Variants in LEMD1 observed in about 807,000 individuals in gnomAD.
LEMD1 encodes LEM domain containing 1.
Under a neutral mutation model 17.4 loss-of-function variants are expected in LEMD1, and 18 were observed. The observed-to-expected ratio is 1.04, with a 90% CI of 0.72 to 1.54. LEMD1 has a LOEUF of 1.54. Among genes scored for constraint, LEMD1 ranks in the 40% most tolerant of loss-of-function variants. LEMD1 has a pLI of 0.00. For synonymous variants in LEMD1, 88 were observed against 77.8 expected (o/e 1.13, Z -0.69); for missense variants, 195 against 210.4 (o/e 0.93, Z 0.45).
intron 4 of LEMD1, among the ~76,000 whole-genome samples, chr1:205,415,931 T>G (rs758818081): frequency 4.6e-5 from 7 of 152,112 alleles, no homozygotes; most frequent in Non-Finnish European, 8.8e-5. Flanking sequence ...CTAAGTGCTA[T>G]ATGTGAATGT....
chr1:205,416,775 T>C (rs1665716468), intron 3 of LEMD1, among the ~76,000 whole-genome samples: 1 of 152,216 alleles, frequency 6.6e-6, no homozygotes, highest in African/African-American at 2.4e-5. Flanking sequence ...AAGAAGCATT[T>C]TGATAAACCT....
chr1:205,399,048 C>G (rs1297745960), intron 4 of LEMD1, among the ~76,000 whole-genome samples: 1 of 152,080 alleles, frequency 6.6e-6, no homozygotes, highest in Non-Finnish European at 1.5e-5. Context: ...AACCCCATCT[C>G]TACTAAAAAT....
intron 4 of LEMD1, among the ~76,000 whole-genome samples, chr1:205,406,051 C>T (rs1217642943): frequency 6.6e-6 from 1 of 152,058 alleles, no homozygotes; most frequent in African/African-American, 2.4e-5. Flanking sequence ...GCTGTCTGAT[C>T]GTTCCTCTGG....
At position 205,404,748 on chromosome 1, in the gene LEMD1, T is replaced by C. The variant is rs544846661; in HGVS notation, c.270+11484A>G. 2.1e-3 allele frequency among the ~76,000 whole-genome samples: 318 copies of C among 152,240 alleles called. 2 individuals are homozygous for C. Among genetic ancestry groups the C allele is most frequent in the African/African-American group, 7.0e-3 (292 of 41,530 alleles). On this transcript the variant is annotated intron_variant, in intron 4 of 5. Transcript: ENST00000367153. ...TGTGAATTTGATCCTGTCATTATGA[T>C]GCTAGCTGGTTATTTTGCTCGTTAG... is the stretch of plus-strand genomic sequence containing the variant.
At chr1:205,427,557 C>T (rs1262116612) in intron 1 of LEMD1, among the ~76,000 whole-genome samples, 2 of 151,848 alleles carry the variant, frequency 1.3e-5, no homozygotes, top group African/African-American at 4.8e-5. Flanking sequence ...GGGTTTTCAC[C>T]GCAGTACACG....
Position 205,416,287 on chromosome 1 carries a change from A to G in LEMD1, c.215T>C (p.Ile72Thr), listed in dbSNP as rs995626536. The change falls in exon 4 of 6, where the codon ATC becomes ACC. Residue 72 changes from isoleucine (I) to threonine (T), a missense_variant. Physicochemically the swap from Ile to Thr is moderately conservative, Grantham distance 89. Coordinates refer to ENST00000367153, the MANE Select transcript of LEMD1 (RefSeq NM_001199050.2). ...GAGTATGATATTTCCTTGCAAAATGATATTAAGCTCTGGATCATGGGAAAC... is the reference window on the plus strand; with the variant it reads ...GAGTATGATATTTCCTTGCAAAATGGTATTAAGCTCTGGATCATGGGAAAC... ...QDSDDSEELNIILQGNIILST... is the reference protein window; with the variant it reads ...QDSDDSEELNTILQGNIILST... The G allele has an allele frequency of 5.8e-6, 9 of 1,547,828 alleles. No homozygotes were observed. In the African/African-American group the frequency reaches 1.1e-4, roughly 19 times the overall value.
chr1:205,409,627 G>A lies in LEMD1; in HGVS notation c.270+6605C>T, dbSNP rs1348820352. The stretch of plus-strand genomic sequence containing the variant: ...AGTCTTTTTTTTTTTTTAAGAGAAG[G>A]CCTCACTCTGTTGCCCAGGCTGGAG... On this transcript the variant is annotated intron_variant, in intron 4 of 5. Transcript: ENST00000367153. Among the ~76,000 whole-genome samples the A allele has an allele frequency of 3.3e-5, 5 of 151,392 alleles. No individual in the cohort carries two copies. In the East Asian group the frequency reaches 9.7e-4, roughly 29 times the overall value.
upstream of LEMD1, among the ~76,000 whole-genome samples, chr1:205,425,426 G>A (rs1575001344): frequency 4.6e-5 from 7 of 152,194 alleles, no homozygotes; most frequent in South Asian, 4.1e-4. Context: ...AAGCTGAGCA[G>A]CAGGAGGATG....
intron 4 of LEMD1, among the ~76,000 whole-genome samples, chr1:205,406,318 A>ACCT (rs1405567747): frequency 6.6e-6 from 1 of 152,226 alleles, no homozygotes; most frequent in African/African-American, 2.4e-5. Context: ...GGTGGAGCCT[A>ACCT]CAGAGGCAGG....
chr1:205,430,729 C>A (rs988653098), intron 1 of LEMD1, among the ~76,000 whole-genome samples: 4 of 152,236 alleles, frequency 2.6e-5, no homozygotes, highest in Non-Finnish European at 4.4e-5. Context: ...CCGGGGGACC[C>A]CCAAGCAGCC....
chr1:205,411,190 G>GAA (rs1665388267), intron 4 of LEMD1, among the ~76,000 whole-genome samples: 1 of 115,758 alleles, frequency 8.6e-6, no homozygotes, highest in Non-Finnish European at 1.8e-5. Context: ...AAGAAGGAAA[G>GAA]GAAGGAAGGA....
intron 4 of LEMD1, among the ~76,000 whole-genome samples, chr1:205,388,019 C>T (rs576196171): frequency 3.9e-5 from 6 of 152,160 alleles, no homozygotes; most frequent in Non-Finnish European, 7.3e-5. Flanking sequence ...AGGCATGGAG[C>T]GTTTAAGTAG....
At chr1:205,403,877 G>A (rs12090222) in intron 4 of LEMD1, among the ~76,000 whole-genome samples, 2,587 of 151,928 alleles carry the variant, frequency 0.017, 56 homozygotes, top group African/African-American at 0.058. Context: ...CTTTGAATGT[G>A]TCCCAGAGAT....
upstream of LEMD1, among the ~76,000 whole-genome samples, chr1:205,424,190 C>T (rs1176001601): frequency 6.6e-6 from 1 of 152,208 alleles, no homozygotes; most frequent in African/African-American, 2.4e-5. Flanking sequence ...AAGCAAAGAT[C>T]AGCAGTTGTC....
intron 5 of LEMD1, among the ~76,000 whole-genome samples, chr1:205,382,611 T>G (rs1351770490): frequency 2.0e-5 from 3 of 152,246 alleles, no homozygotes; most frequent in Non-Finnish European, 4.4e-5. Context: ...ATATGAGGTC[T>G]CTCAAATCCC....
At chr1:205,424,514 A>G (rs569155572), upstream of LEMD1, among the ~76,000 whole-genome samples, 3 of 152,338 alleles carry the variant, frequency 2.0e-5, no homozygotes, top group African/African-American at 7.2e-5. Flanking sequence ...TGCAAAAGCT[A>G]TAGCCCCTCT....
Position 205,447,649 on chromosome 1 carries a change from G to A in LEMD1, c.-39+2219C>T, listed in dbSNP as rs187901446. Among the ~76,000 whole-genome samples the A allele has an allele frequency of 3.0e-4, 45 of 152,122 alleles. No homozygotes were observed. The East Asian group carries it at 7.7e-3, about 26-fold the overall frequency. ...AGGCAAGCTGAGTGACAAGCAGGAC[G>A]GGGGCAGGGAGGGCTGGTGCCCTTC... is the stretch of plus-strand genomic sequence containing the variant. On this transcript the variant is annotated intron_variant, in intron 1 of 3. Transcript: ENST00000367154.
At chr1:205,393,216 A>C (rs1664421768) in intron 4 of LEMD1, among the ~76,000 whole-genome samples, 2 of 152,210 alleles carry the variant, frequency 1.3e-5, no homozygotes, top group Non-Finnish European at 2.9e-5. Context: ...ATTTCTTCAA[A>C]GAAGATATAG....
At chr1:205,422,987 T>C (rs1290867847), upstream of LEMD1, among the ~76,000 whole-genome samples, 3 of 152,208 alleles carry the variant, frequency 2.0e-5, no homozygotes, top group Non-Finnish European at 4.4e-5. Context: ...ATAATACACA[T>C]AAAGTGCTTG....
Sources: gnomAD v4.1 joint callset for allele counts (sites outside exome capture counted in the v4.1 genomes callset) on GRCh38, gnomAD v4.1.1 for gene constraint, MANE v1.5 for transcripts, NCBI Gene and HGNC (gene_info 2026-07-23, HGNC 2026-07-21) for gene names.